The following RPS25 variants were observed in gnomAD, a reference collection of about 807,000 sequenced individuals.
RPS25 encodes ribosomal protein S25.
RPS25 carries 1 observed loss-of-function variant against 14.4 expected under a neutral mutation model. The ratio of observed to expected loss-of-function variants is 0.07; its 90% confidence interval spans 0.02 to 0.33. The LOEUF is 0.33. Ranked by LOEUF, RPS25 falls within the 10% of genes least tolerant of loss-of-function variation. The pLI, the probability that RPS25 is intolerant of heterozygous loss-of-function variation, is 1.00. For synonymous variants in RPS25, 63 were observed against 53.8 expected, an observed-to-expected ratio of 1.17 and a Z score of -0.75; for missense variants, 65 against 144.6, an observed-to-expected ratio of 0.45 and a Z score of 2.82.
intron 3 of RPS25, among the ~76,000 whole-genome samples, chr11:119,016,405 G>C (rs983747330): frequency 6.6e-6 from 1 of 152,014 alleles, no homozygotes; most frequent in Admixed American, 6.6e-5. Context: ...TCTATTTAAA[G>C]AAAAGGAAAA....
At chr11:119,017,310 T>G in intron 3 of RPS25, 52 bp downstream of exon 3, 1 of 1,348,418 alleles carries the variant, frequency 7.4e-7, no homozygotes. Flanking sequence ...ATGCTTAACA[T>G]GGTCAAGACA....
intron 3 of RPS25, among the ~76,000 whole-genome samples, chr11:119,016,469 C>A (rs1232300529): frequency 6.6e-6 from 1 of 152,130 alleles, no homozygotes; most frequent in Admixed American, 6.6e-5. Flanking sequence ...AACTCCTTGG[C>A]TCAAATGATC....
Position 119,015,758 on chromosome 11 carries a change from C to T in RPS25, c.*5G>A. 7.9e-7 allele frequency: 1 copy of T among 1,260,130 alleles called. No homozygotes were observed. The highest frequency in any genetic ancestry group is 1.1e-6 in the Non-Finnish European group (1 of 873,804). 78.1% of individuals were successfully genotyped at this position (1,260,130 alleles called of 1,614,324 possible). On this transcript the variant is annotated splice_region_variant and 3_prime_UTR_variant, in exon 5 of 5. Coordinates refer to ENST00000527673, the MANE Select transcript of RPS25 (RefSeq NM_001028.3). ...TTTTCCAAATGTACAGCTGGTTGGA[C>T]CTGTAAAAAAAAATTAAAAGAATCA... is the stretch of plus-strand genomic sequence containing the variant.
At position 119,017,513 on chromosome 11, in the gene RPS25, G is replaced by C. The variant is rs1236904943; in HGVS notation, c.132C>G (p.Leu44=). 6.2e-7 allele frequency: 1 copy of C among 1,613,988 alleles called. No homozygotes were observed. The highest frequency in any genetic ancestry group is 1.3e-5 in the African/African-American group (1 of 74,900). The part of the protein sequence containing the change: ...KWSKGKVRDK[L]NNLVLFDKAT... ...CTTTGTCAAACAAGACTAAGTTATT[G>C]AGCTTGTCCCGAACTTTGCCTTTGG... The change falls in exon 3 of 5, where the codon CTC becomes CTG. Residue 44 remains leucine, a synonymous_variant. Coordinates refer to ENST00000527673, the MANE Select transcript of RPS25 (RefSeq NM_001028.3).
At position 119,017,501 on chromosome 11, in the gene RPS25, G is replaced by A. The variant is rs1433982273; in HGVS notation, c.144C>T (p.Val48=). 4 of 1,614,118 alleles carry A rather than the reference G, an allele frequency of 2.5e-6. No individual in the cohort carries two copies. Among genetic ancestry groups the A allele is most frequent in the Non-Finnish European group, 8.5e-7 (1 of 1,180,008 alleles). Reference sequence around the variant, plus strand: ...TATCATAGGTAGCTTTGTCAAACAAGACTAAGTTATTGAGCTTGTCCCGAA... The same window carrying A: ...TATCATAGGTAGCTTTGTCAAACAAAACTAAGTTATTGAGCTTGTCCCGAA... ...GKVRDKLNNL[V]LFDKATYDKL... is the part of the protein sequence containing the mutation. Residue 48 remains valine, a synonymous_variant, in exon 3 of 5, where the codon GTC becomes GTT. Coordinates refer to ENST00000527673, the MANE Select transcript of RPS25 (RefSeq NM_001028.3).
chr11:119,017,728 A>C, intron 2 of RPS25, 183 bp from the exon 3 acceptor site: 1 of 690,586 alleles, frequency 1.4e-6, no homozygotes, highest in Non-Finnish European at 2.5e-6. Flanking sequence ...GCCGAGCCCC[A>C]CTAGATCAGT....
At chr11:119,017,640 G>C in intron 2 of RPS25, 95 bp from the exon 3 acceptor site, 1 of 1,122,424 alleles carries the variant, frequency 8.9e-7, no homozygotes, top group South Asian at 1.5e-5. Flanking sequence ...CTGTTCCACC[G>C]TTATCAAGGA....
At chr11:119,016,044 T>G in intron 3 of RPS25, 105 bp from the exon 4 acceptor site, 1 of 697,172 alleles carries the variant, frequency 1.4e-6, no homozygotes, top group Non-Finnish European at 2.6e-6. Flanking sequence ...TCCCACTGCT[T>G]TGGGAGGTGG....
At position 119,015,737 on chromosome 11, in the gene RPS25, C is replaced by A. The variant is rs782741485; in HGVS notation, c.*26G>T. The A allele has an allele frequency of 2.4e-6, 3 of 1,264,924 alleles. No individual in the cohort carries two copies. The highest frequency in any genetic ancestry group is 3.4e-6 in the Non-Finnish European group (3 of 883,968). The allele number at this position is 1,264,924 out of a possible 1,614,324, so 78.4% of individuals were successfully genotyped here. On this transcript the variant is annotated 3_prime_UTR_variant, in exon 5 of 5. Transcript: ENST00000527673. ...TTTGATTTAATAAAGTTTTATTTTTCCAAATGTACAGCTGGTTGGACCTGT... is the reference window on the plus strand; with the variant it reads ...TTTGATTTAATAAAGTTTTATTTTTACAAATGTACAGCTGGTTGGACCTGT...
rs782107270 is a variant in RPS25, at chr11:119,017,131, TC to T, written c.283+230del. Among the ~76,000 whole-genome samples the T allele has an allele frequency of 4.6e-5, 7 of 152,324 alleles. No individual in the cohort carries two copies. The South Asian group carries it at 8.3e-4, about 18-fold the overall frequency. ...ATCCATTTACTCGAAACATAAAAGA[TC>T]CTTGGGCTTCACTAAACTGCCACAG... is the stretch of plus-strand genomic sequence containing the variant. On this transcript the variant is annotated intron_variant, in intron 3 of 4. Coordinates refer to ENST00000527673, the MANE Select transcript of RPS25 (RefSeq NM_001028.3).
intron 2 of RPS25, 171 bp downstream of exon 2, chr11:119,017,787 C>T (rs559665744): frequency 6.6e-5 from 44 of 670,870 alleles, no homozygotes; most frequent in Non-Finnish European, 1.1e-4. Context: ...ACAACAGACC[C>T]ATTTTCATGA....
In RPS25 at chr11:119,017,698, T is replaced by C. The variant is rs1943196481; in HGVS notation, c.100-153A>G. On this transcript the variant is annotated intron_variant, in intron 2 of 4. Coordinates refer to ENST00000527673, the MANE Select transcript of RPS25 (RefSeq NM_001028.3). Reference sequence around the variant, plus strand: ...AAAACAAAAAAAAAACACCGACACGTTTTTGGCCTTCAAACAGGGGCCGAG... The same window carrying C: ...AAAACAAAAAAAAAACACCGACACGCTTTTGGCCTTCAAACAGGGGCCGAG... 3 of 794,840 alleles carry C rather than the reference T, an allele frequency of 3.8e-6. No homozygotes were observed. In the East Asian group the frequency reaches 8.1e-5, roughly 21 times the overall value. The allele number at this position is 794,840 out of a possible 1,614,324, so 49.2% of individuals were successfully genotyped here.
chr11:119,018,255 C>T (rs782210707), intron 1 of RPS25, 27 bp downstream of exon 1: 13 of 1,613,996 alleles, frequency 8.1e-6, no homozygotes, highest in Admixed American at 1.7e-5. Context: ...CCAAGAACGC[C>T]GGCGACTTCA....
intron 3 of RPS25, 67 bp from the exon 4 acceptor site, chr11:119,016,006 G>C: frequency 5.0e-6 from 5 of 994,284 alleles, no homozygotes; most frequent in Non-Finnish European, 6.4e-6. Context: ...TAAGGTTTTT[G>C]GCTGGGCGCG....
At chr11:119,016,056 G>A (rs1943148207) in intron 3 of RPS25, 117 bp from the exon 4 acceptor site, 1 of 645,100 alleles carries the variant, frequency 1.6e-6, no homozygotes, top group Non-Finnish European at 2.9e-6. Context: ...GGGAGGTGGA[G>A]ACGGGCAGAT....
intron 3 of RPS25, 21 bp downstream of exon 3, chr11:119,017,341 C>T: frequency 6.3e-7 from 1 of 1,579,312 alleles, no homozygotes; most frequent in Non-Finnish European, 8.6e-7. Context: ...CAAAAACACA[C>T]ATGTAGGATA....
At position 119,015,954 on chromosome 11, in the gene RPS25, TAGCACGATG is replaced by T. The variant is rs1943145139; in HGVS notation, c.284-24_284-16del. 2 of 1,477,984 alleles carry T rather than the reference TAGCACGATG, an allele frequency of 1.4e-6. No homozygotes were observed. The highest frequency in any genetic ancestry group is 1.9e-6 in the Non-Finnish European group (2 of 1,056,742). 91.6% of individuals were successfully genotyped at this position (1,477,984 alleles called of 1,614,324 possible). ...TTTGATAAGTCCTAGGGGGAGAGAA[TAGCACGATG>T]AGATGCTTAACAGATGCTACAATAG... On this transcript the variant is annotated splice_polypyrimidine_tract_variant and intron_variant, in intron 3 of 4. Coordinates refer to ENST00000527673, the MANE Select transcript of RPS25 (RefSeq NM_001028.3).
rs200333473 is a variant in RPS25 at position 119,015,944 on chromosome 11, G to A, written c.284-5C>T. The stretch of plus-strand genomic sequence containing the variant: ...TTGAAACCAGTTTGATAAGTCCTAG[G>A]GGGAGAGAATAGCACGATGAGATGC... On this transcript the variant is annotated splice_region_variant and splice_polypyrimidine_tract_variant and intron_variant, in intron 3 of 4. Transcript: ENST00000527673. 4.5e-6 allele frequency: 7 copies of A among 1,563,562 alleles called. No homozygotes were observed. In the African/African-American group the frequency reaches 8.1e-5, roughly 18 times the overall value.
intron 3 of RPS25, among the ~76,000 whole-genome samples, chr11:119,016,282 G>T (rs904762240): frequency 2.6e-5 from 4 of 152,114 alleles, no homozygotes; most frequent in Non-Finnish European, 5.9e-5. Context: ...TGAGACTCTA[G>T]TAAGGTTTGT....
Sources: gnomAD v4.1 joint callset for allele counts (sites outside exome capture counted in the v4.1 genomes callset) on GRCh38, gnomAD v4.1.1 for gene constraint, MANE v1.5 for transcripts, NCBI Gene and HGNC (gene_info 2026-07-23, HGNC 2026-07-21) for gene names.